PRKN: variants seen among roughly 807,000 people sequenced by gnomAD.
The protein encoded by PRKN is E3 ubiquitin-protein ligase parkin.
A neutral mutation model predicts 59.5 loss-of-function variants in PRKN; 56 were observed. The observed-to-expected ratio is 0.94, with a 90% CI of 0.76 to 1.18. PRKN has a LOEUF of 1.18. PRKN is among the 50% of genes most tolerant of loss of function. PRKN has a pLI of 0.00. For missense variants in PRKN, 657 were observed against 596.4 expected (o/e 1.10, Z -1.06); for synonymous variants, 250 against 222.1 (o/e 1.13, Z -1.12).
intron 1 of PRKN, among the ~76,000 whole-genome samples, chr6:162,483,801 A>C (rs1052017658): frequency 1.3e-5 from 2 of 152,200 alleles, no homozygotes; most frequent in African/African-American, 4.8e-5. Flanking sequence ...ATGTAGACAT[A>C]TGTAAGATGA....
chr6:162,709,244 T>A (rs1778441057), intron 1 of PRKN, among the ~76,000 whole-genome samples: 1 of 152,158 alleles, frequency 6.6e-6, no homozygotes, highest in African/African-American at 2.4e-5. Flanking sequence ...GTAACGCACT[T>A]GAATTACACT....
chr6:162,535,298 G>C (rs753282769), intron 1 of PRKN, among the ~76,000 whole-genome samples: 4 of 152,134 alleles, frequency 2.6e-5, no homozygotes, highest in African/African-American at 4.8e-5. Flanking sequence ...GTCCTGCCTT[G>C]TTAGACAGTT....
chr6:162,663,622 A>G (rs945614513), intron 1 of PRKN, among the ~76,000 whole-genome samples: 28 of 152,178 alleles, frequency 1.8e-4, no homozygotes, highest in African/African-American at 4.1e-4. Flanking sequence ...TAGACAGAAA[A>G]TAAGTGTGTA....
intron 6 of PRKN, among the ~76,000 whole-genome samples, chr6:161,874,996 ATAATATATTATATAT>A (rs1372835863): frequency 1.1e-5 from 1 of 92,368 alleles, no homozygotes; most frequent in East Asian, 3.3e-4. Context: ...TACTTTATAT[ATAATATATTATATAT>A]TATATATAAA....
intron 2 of PRKN, among the ~76,000 whole-genome samples, chr6:162,419,346 T>G (rs1788832424): frequency 6.6e-6 from 1 of 152,214 alleles, no homozygotes; most frequent in Admixed American, 6.5e-5. Flanking sequence ...TGTTCAACTT[T>G]ATTATAAGAT....
chr6:162,300,219 G>A (rs908490026), intron 2 of PRKN, among the ~76,000 whole-genome samples: 5 of 151,460 alleles, frequency 3.3e-5, no homozygotes, highest in East Asian at 3.9e-4. Context: ...GTGTTTTGTC[G>A]GCCTTTAAAA....
chr6:162,703,340 GAACTTTT>G (rs1778225581), intron 1 of PRKN, among the ~76,000 whole-genome samples: 1 of 152,064 alleles, frequency 6.6e-6, no homozygotes, highest in Non-Finnish European at 1.5e-5. Context: ...ATACCATGTT[GAACTTTT>G]AATATTTATA....
At chr6:161,519,310 T>G (rs1778732132) in intron 9 of PRKN, among the ~76,000 whole-genome samples, 1 of 152,086 alleles carries the variant, frequency 6.6e-6, no homozygotes, top group South Asian at 2.1e-4. Context: ...CCTCATCTAG[T>G]CGAAAATACC....
At chr6:161,381,604 T>C (rs189289240) in intron 10 of PRKN, among the ~76,000 whole-genome samples, 57 of 152,336 alleles carry the variant, frequency 3.7e-4, no homozygotes, top group East Asian at 2.7e-3. Flanking sequence ...AATCTAATTT[T>C]CTTTTATGAT....
intron 6 of PRKN, among the ~76,000 whole-genome samples, chr6:161,913,250 A>G (rs917149826): frequency 2.6e-5 from 4 of 152,148 alleles, no homozygotes; most frequent in African/African-American, 9.7e-5. Flanking sequence ...GTCAAACTCA[A>G]AAGAAAATCA....
intron 4 of PRKN, among the ~76,000 whole-genome samples, chr6:162,172,714 T>C (rs1263973402): frequency 1.3e-5 from 2 of 152,180 alleles, no homozygotes; most frequent in Non-Finnish European, 2.9e-5. Context: ...CTGTTTGTCA[T>C]GTACTTTACA....
At chr6:162,466,546 G>A (rs1239089295) in intron 1 of PRKN, among the ~76,000 whole-genome samples, 1 of 151,926 alleles carries the variant, frequency 6.6e-6, no homozygotes, top group African/African-American at 2.4e-5. Context: ...CAATAGGCAT[G>A]TGCCACTACA....
chr6:162,226,722 C>T (rs1047906928), intron 3 of PRKN, among the ~76,000 whole-genome samples: 10 of 152,074 alleles, frequency 6.6e-5, no homozygotes, highest in South Asian at 2.1e-4. Context: ...TTAGTAGAGA[C>T]GGGGTTTCAC....
intron 6 of PRKN, among the ~76,000 whole-genome samples, chr6:161,801,089 G>A (rs1006009700): frequency 1.4e-4 from 21 of 152,174 alleles, no homozygotes; most frequent in African/African-American, 3.9e-4. Context: ...AGAAGGACAC[G>A]GGAGGAAACG....
At chr6:161,621,999 A>G (rs1782920920) in intron 7 of PRKN, among the ~76,000 whole-genome samples, 1 of 152,120 alleles carries the variant, frequency 6.6e-6, no homozygotes, top group Non-Finnish European at 1.5e-5. Flanking sequence ...AGGATGCCTT[A>G]CCACGTGTAT....
chr6:162,374,907 G>A (rs980108387), intron 2 of PRKN, among the ~76,000 whole-genome samples: 4 of 152,022 alleles, frequency 2.6e-5, no homozygotes, highest in African/African-American at 9.7e-5. Flanking sequence ...AATAGTATTT[G>A]TTTTAGCCAA....
intron 1 of PRKN, among the ~76,000 whole-genome samples, chr6:162,686,786 T>A (rs910783219): frequency 6.6e-6 from 1 of 152,162 alleles, no homozygotes; most frequent in African/African-American, 2.4e-5. Flanking sequence ...ACGCAGAGCA[T>A]GTTTTTGTTA....
At chr6:162,519,127 A>C (rs144699163) in intron 1 of PRKN, among the ~76,000 whole-genome samples, 1 of 152,038 alleles carries the variant, frequency 6.6e-6, no homozygotes, top group Non-Finnish European at 1.5e-5. Flanking sequence ...CCGAGATCGC[A>C]CCATTGCACT....
intron 3 of PRKN, among the ~76,000 whole-genome samples, chr6:162,204,283 A>AC (rs1784846649): frequency 6.6e-6 from 1 of 152,164 alleles, no homozygotes; most frequent in African/African-American, 2.4e-5. Flanking sequence ...CTCTCGTCAA[A>AC]CCAATTTAGG....
Sources: gnomAD v4.1 joint callset for allele counts (sites outside exome capture counted in the v4.1 genomes callset) on GRCh38, gnomAD v4.1.1 for gene constraint, MANE v1.5 for transcripts, NCBI Gene and HGNC (gene_info 2026-07-23, HGNC 2026-07-21) for gene names.